CERS4: variants seen among roughly 807,000 people sequenced by gnomAD.
CERS4 encodes the protein ceramide synthase 4.
A neutral mutation model predicts 51.8 loss-of-function variants in CERS4; 65 were observed. The ratio of observed to expected loss-of-function variants is 1.26; its 90% CI spans 1.03 to 1.54. The LOEUF (loss-of-function observed/expected upper bound fraction) is 1.54. Ranked by LOEUF, CERS4 falls within the 40% of genes most tolerant of loss-of-function variation. CERS4 has a pLI of 0.00. For synonymous variants in CERS4, 228 were observed against 208.4 expected, an observed-to-expected ratio of 1.09 and a Z score of -0.81; for missense variants, 563 against 500.4, an observed-to-expected ratio of 1.13 and a Z score of -1.19.
chr19:8,254,787 C>G (rs184924091), intron 4 of CERS4, among the ~76,000 whole-genome samples, 171 bp downstream of exon 4: 11 of 152,140 alleles, frequency 7.2e-5, no homozygotes, highest in Admixed American at 7.2e-4. Flanking sequence ...GGCTCTACCC[C>G]CCAGCCTCCC....
At chr19:8,245,125 A>AC (rs1555777251) in intron 2 of CERS4, among the ~76,000 whole-genome samples, 2 of 150,820 alleles carry the variant, frequency 1.3e-5, no homozygotes, top group African/African-American at 4.9e-5. Context: ...AAAAAAAAAA[A>AC]AAAAAAAAAA....
In CERS4 at chr19:8,261,831, T is replaced by A. The variant is rs1555781678; in HGVS notation, c.992T>A (p.Met331Lys). The A allele has an allele frequency of 3.2e-5, 51 of 1,614,054 alleles. 1 individual carries two copies. The South Asian group carries it at 5.3e-4, about 17-fold the overall frequency. ...ATTCTGCGCATGCTCTATAGCTTCA[T>A]GAAGAAGGGCCAGGTATGGCTGGAC... ...CLILRMLYSFMKKGQMEKDIR... is the reference protein window; with the variant it reads ...CLILRMLYSFKKKGQMEKDIR... The change falls in exon 11 of 12, where the codon ATG (methionine) becomes AAG (lysine). Residue 331 changes from methionine to lysine, a missense_variant. Physicochemically the swap from Met to Lys is moderately conservative, Grantham distance 95. Transcript: ENST00000251363.
intron 8 of CERS4, 65 bp downstream of exon 8, chr19:8,256,775 G>C (rs1969408395): frequency 7.0e-6 from 11 of 1,580,094 alleles, no homozygotes; most frequent in Non-Finnish European, 9.5e-6. Flanking sequence ...CTGGGGGGTA[G>C]GGCAGCCTTA....
intron 2 of CERS4, among the ~76,000 whole-genome samples, chr19:8,229,148 A>G (rs1967905912): frequency 6.6e-6 from 1 of 152,064 alleles, no homozygotes; most frequent in Non-Finnish European, 1.5e-5. Flanking sequence ...AACATGGTGA[A>G]ACCCCATCTC....
At chr19:8,260,023 G>A (rs576248280) in intron 10 of CERS4, among the ~76,000 whole-genome samples, 37 of 152,216 alleles carry the variant, frequency 2.4e-4, no homozygotes, top group African/African-American at 5.1e-4. Context: ...TGTGAGATGG[G>A]GAGATGGTGG....
In CERS4 at chr19:8,237,917, A is replaced by G. The variant is rs140227157; in HGVS notation, c.-1-13159A>G. On this transcript the variant is annotated intron_variant, in intron 2 of 11. Transcript: ENST00000251363. Reference sequence around the variant, plus strand: ...ACGTACAGCTTCTTGCCTGTTGATTATACCTCCGTAATGCTGTTTTTATTT... The same window carrying G: ...ACGTACAGCTTCTTGCCTGTTGATTGTACCTCCGTAATGCTGTTTTTATTT... Among the ~76,000 whole-genome samples, 350 of 152,318 alleles carry G rather than the reference A, an allele frequency of 2.3e-3. 2 individuals are homozygous for G. The highest frequency in any genetic ancestry group is 8.0e-3 in the African/African-American group (332 of 41,570).
chr19:8,231,507 C>T (rs889380426), intron 2 of CERS4, among the ~76,000 whole-genome samples: 2 of 152,058 alleles, frequency 1.3e-5, no homozygotes, highest in African/African-American at 4.8e-5. Flanking sequence ...TGTACACAGA[C>T]TTTTAATGTA....
chr19:8,255,751 G>C, intron 5 of CERS4, 26 bp downstream of exon 5: 4 of 1,604,540 alleles, frequency 2.5e-6, no homozygotes, highest in Non-Finnish European at 3.4e-6. Context: ...GGCTTCTGGG[G>C]TGCAGGGAAG....
Position 8,256,983 on chromosome 19 carries a change from C to A in CERS4, c.647C>A (p.Ala216Glu). 1 of 1,614,112 alleles carries A rather than the reference C, an allele frequency of 6.2e-7. No individual in the cohort carries two copies. Among genetic ancestry groups the A allele is most frequent in the South Asian group, 1.1e-5 (1 of 91,086 alleles). Reference protein sequence around the residue: ...FKEQVIHHFVAVILMTFSYSA... With the variant: ...FKEQVIHHFVEVILMTFSYSA... The stretch of plus-strand genomic sequence containing the variant: ...GAGCAGGTGATACACCACTTCGTGG[C>A]GGTCATCCTGATGACCTTCTCCTAC... The change falls in exon 9 of 12, where the codon GCG becomes GAG. Residue 216 changes from alanine (A) to glutamate (E), a missense_variant. Transcript: ENST00000251363.
intron 2 of CERS4, among the ~76,000 whole-genome samples, chr19:8,242,375 G>A (rs1968573961): frequency 6.6e-6 from 1 of 152,156 alleles, no homozygotes; most frequent in African/African-American, 2.4e-5. Context: ...AGAGCTCCCT[G>A]GTTTAGAAAG....
intron 2 of CERS4, among the ~76,000 whole-genome samples, chr19:8,238,259 AG>A (rs1472395221): frequency 7.9e-5 from 12 of 152,076 alleles, no homozygotes; most frequent in African/African-American, 2.9e-4. Flanking sequence ...CCAGGGAGCC[AG>A]GGCTGGCTCA....
chr19:8,225,313 G>A (rs1296902114), intron 2 of CERS4, among the ~76,000 whole-genome samples: 1 of 152,050 alleles, frequency 6.6e-6, no homozygotes, highest in Non-Finnish European at 1.5e-5. Flanking sequence ...GGGAGGCTGC[G>A]ACTGATGGCC....
intron 2 of CERS4, among the ~76,000 whole-genome samples, chr19:8,214,038 T>C (rs943405052): frequency 1.3e-5 from 2 of 151,896 alleles, no homozygotes. Context: ...GTCTGGACTT[T>C]ATACCTTTGT....
chr19:8,227,739 C>T (rs1374077979), intron 2 of CERS4, among the ~76,000 whole-genome samples: 1 of 152,134 alleles, frequency 6.6e-6, no homozygotes, highest in Non-Finnish European at 1.5e-5. Context: ...AGGGGAGATA[C>T]TGTGTGATTC....
chr19:8,246,107 CA>C (rs752091505), intron 2 of CERS4, among the ~76,000 whole-genome samples: 1 of 148,206 alleles, frequency 6.7e-6, no homozygotes, highest in Non-Finnish European at 1.5e-5. Flanking sequence ...AACAAAAAAA[CA>C]AAAAAACTGG....
At chr19:8,245,129 AAAAAAAC>A (rs1234273978) in intron 2 of CERS4, among the ~76,000 whole-genome samples, 4 of 148,658 alleles carry the variant, frequency 2.7e-5, no homozygotes, top group African/African-American at 1.0e-4. Flanking sequence ...AAAAAAAAAA[AAAAAAAC>A]ACTCTTGGCT....
At chr19:8,215,266 G>T (rs960668690) in intron 2 of CERS4, among the ~76,000 whole-genome samples, 1 of 152,070 alleles carries the variant, frequency 6.6e-6, no homozygotes, top group Non-Finnish European at 1.5e-5. Flanking sequence ...ATCGCCTGAG[G>T]TCAAGAGTTC....
chr19:8,258,049 C>T (rs1969490740), intron 10 of CERS4, 64 bp downstream of exon 10: 1 of 1,267,690 alleles, frequency 7.9e-7, no homozygotes, highest in Admixed American at 1.7e-5. Flanking sequence ...CCAGGACTGC[C>T]TCACCATTGG....
intron 3 of CERS4, 127 bp downstream of exon 3, chr19:8,251,376 C>A: frequency 7.1e-7 from 1 of 1,416,466 alleles, no homozygotes; most frequent in South Asian, 1.6e-5. Flanking sequence ...AGCGCGTTCC[C>A]TGGCTCCAGC....
Sources: gnomAD v4.1 joint callset for allele counts (sites outside exome capture counted in the v4.1 genomes callset) on GRCh38, gnomAD v4.1.1 for gene constraint, MANE v1.5 for transcripts, NCBI Gene and HGNC (gene_info 2026-07-23, HGNC 2026-07-21) for gene names.